Variants in ADAM10 observed in about 807,000 individuals in gnomAD.
ADAM10 encodes the protein disintegrin and metalloproteinase domain-containing protein 10.
A neutral mutation model predicts 90.1 loss-of-function variants in ADAM10; 17 were observed. That is an observed-to-expected ratio of 0.19 (90% CI 0.13 to 0.28). The LOEUF is 0.28. ADAM10 is among the 10% of genes least tolerant of loss of function. The pLI, the probability that ADAM10 is intolerant of heterozygous loss-of-function variation, is 1.00. For synonymous variants in ADAM10, 310 were observed against 298.6 expected (o/e 1.04, Z -0.40); for missense variants, 610 against 914.3 (o/e 0.67, Z 4.29).
Position 58,710,902 on chromosome 15 carries a change from A to C in ADAM10, c.206+6675T>G, listed in dbSNP as rs551503007. ...GCCCTAGATTTCTGCTACCTGACTCATGATATAACAGAGATTAAGTCACAG... is the reference window on the plus strand; with the variant it reads ...GCCCTAGATTTCTGCTACCTGACTCCTGATATAACAGAGATTAAGTCACAG... On this transcript the variant is annotated intron_variant, in intron 2 of 15. Coordinates refer to ENST00000260408, the MANE Select transcript of ADAM10 (RefSeq NM_001110.4). Among the ~76,000 whole-genome samples, 26 of 152,294 alleles carry C rather than the reference A, an allele frequency of 1.7e-4. No individual in the cohort carries two copies. The East Asian group carries it at 5.0e-3, about 29-fold the overall frequency.
intron 2 of ADAM10, among the ~76,000 whole-genome samples, chr15:58,712,083 C>T (rs1415412806): frequency 1.3e-5 from 2 of 152,184 alleles, no homozygotes; most frequent in East Asian, 1.9e-4. Flanking sequence ...ATATTAATAA[C>T]CTTTGTTAAA....
At chr15:58,676,143 A>G in intron 4 of ADAM10, 1 of 364,848 alleles carries the variant, frequency 2.7e-6, no homozygotes, top group Non-Finnish European at 5.4e-6. Flanking sequence ...AGAGGCTTAC[A>G]GATTTCAGAA....
Position 58,632,464 on chromosome 15 carries a change from T to A in ADAM10, c.1176+732A>T, listed in dbSNP as rs554376994. Among the ~76,000 whole-genome samples the A allele has an allele frequency of 5.9e-5, 9 of 152,354 alleles. No homozygotes were observed. In the South Asian group the frequency reaches 1.9e-3, roughly 32 times the overall value. On this transcript the variant is annotated intron_variant, in intron 9 of 15. Coordinates refer to ENST00000260408, the MANE Select transcript of ADAM10 (RefSeq NM_001110.4). Reference sequence around the variant, plus strand: ...CAAAGTAGCCAGCAGCCTGTTTTTATATGGCTTAACTAAGAATGGCTTTTC... The same window carrying A: ...CAAAGTAGCCAGCAGCCTGTTTTTAAATGGCTTAACTAAGAATGGCTTTTC...
At chr15:58,716,316 T>C (rs1389221932) in intron 2 of ADAM10, among the ~76,000 whole-genome samples, 1 of 152,116 alleles carries the variant, frequency 6.6e-6, no homozygotes, top group African/African-American at 2.4e-5. Context: ...AACACGGTTA[T>C]GGAAAAATTA....
chr15:58,696,147 C>T (rs985231375), intron 2 of ADAM10, among the ~76,000 whole-genome samples: 26 of 151,736 alleles, frequency 1.7e-4, no homozygotes, highest in African/African-American at 1.9e-4. Context: ...AAAAATTAGC[C>T]GGGCGGTAGT....
At chr15:58,702,479 G>C (rs1423578260) in intron 2 of ADAM10, among the ~76,000 whole-genome samples, 2 of 152,114 alleles carry the variant, frequency 1.3e-5, no homozygotes, top group Non-Finnish European at 2.9e-5. Flanking sequence ...CCAACACATA[G>C]AAATAACGAA....
chr15:58,717,801 G>GTT, intron 1 of ADAM10, 74 bp from the exon 2 acceptor site: 1 of 1,551,874 alleles, frequency 6.4e-7, no homozygotes, highest in Non-Finnish European at 8.7e-7. Flanking sequence ...GATTATTCAA[G>GTT]TATCTATGAA....
At chr15:58,735,311 G>C (rs1899394064) in intron 1 of ADAM10, among the ~76,000 whole-genome samples, 1 of 152,104 alleles carries the variant, frequency 6.6e-6, no homozygotes, top group Admixed American at 6.6e-5. Context: ...ATCACTATTA[G>C]ATATATTACC....
In ADAM10 at chr15:58,610,489, C is replaced by G; in HGVS notation, c.1833G>C (p.Gly611=). ...TGAAGTGCCTACTCCACTGCACAGA[C>G]CCTGTACTGGCACAAGTTGATGGGT... ...KMDPSTCAST[G]SVQWSRHFSG... is the part of the protein sequence containing the mutation. The change falls in exon 14 of 16, where the codon GGG becomes GGC. Residue 611 remains glycine, a synonymous_variant. Transcript: ENST00000260408. 2 of 1,614,128 alleles carry G rather than the reference C, an allele frequency of 1.2e-6. No individual in the cohort carries two copies. The highest frequency in any genetic ancestry group is 1.7e-6 in the Non-Finnish European group (2 of 1,180,014).
intron 2 of ADAM10, chr15:58,691,264 C>T (rs1404617423): frequency 8.9e-7 from 1 of 1,124,748 alleles, no homozygotes; most frequent in East Asian, 2.4e-5. Flanking sequence ...TCCTCATCCT[C>T]AGGTAGCTCC....
At chr15:58,646,282 A>G in intron 5 of ADAM10, 78 bp from the exon 6 acceptor site, 3 of 1,393,734 alleles carry the variant, frequency 2.2e-6, no homozygotes, top group South Asian at 1.2e-5. Context: ...TACATACTAT[A>G]AACAATTTCA....
intron 1 of ADAM10, among the ~76,000 whole-genome samples, chr15:58,719,067 T>G (rs576604492): frequency 1.3e-5 from 2 of 152,356 alleles, no homozygotes; most frequent in South Asian, 4.1e-4. Context: ...CTCACGCCTG[T>G]AATCCGAGCA....
chr15:58,682,085 C>G, intron 3 of ADAM10, 111 bp downstream of exon 3: 1 of 1,475,822 alleles, frequency 6.8e-7, no homozygotes, highest in Non-Finnish European at 9.2e-7. Context: ...TGAATTCAAC[C>G]TCCTCTGGAT....
At chr15:58,647,517 G>A (rs764077325) in intron 5 of ADAM10, among the ~76,000 whole-genome samples, 2 of 151,134 alleles carry the variant, frequency 1.3e-5, no homozygotes, top group Non-Finnish European at 2.9e-5. Context: ...GCCCGCCTCG[G>A]CCTCCCAAAG....
At chr15:58,691,576 T>C in intron 2 of ADAM10, 1 of 506,014 alleles carries the variant, frequency 2.0e-6, no homozygotes, top group Non-Finnish European at 3.9e-6. Context: ...TCCTCATGGA[T>C]TCCAAGCCAC....
At chr15:58,607,058 A>C (rs1895297760) in intron 14 of ADAM10, among the ~76,000 whole-genome samples, 1 of 152,258 alleles carries the variant, frequency 6.6e-6, no homozygotes, top group Non-Finnish European at 1.5e-5. Context: ...GATAATTTTT[A>C]AATTTTTTTC....
intron 2 of ADAM10, among the ~76,000 whole-genome samples, chr15:58,684,853 C>T (rs1271042746): frequency 1.3e-5 from 2 of 152,110 alleles, no homozygotes; most frequent in Admixed American, 1.3e-4. Context: ...GGCCCTTAAG[C>T]TGTGGGGTCT....
chr15:58,686,598 G>A, intron 2 of ADAM10: 1 of 1,048,896 alleles, frequency 9.5e-7, no homozygotes, highest in East Asian at 2.4e-5. Context: ...TGGGAACCCA[G>A]ATCCTGTGCT....
chr15:58,609,111 C>T (rs189753493), intron 14 of ADAM10: 10 of 152,244 alleles, frequency 6.6e-5, no homozygotes, highest in Admixed American at 4.6e-4. Context: ...TGAATCCTTA[C>T]GTGATTCTCA....
Sources: allele counts gnomAD v4.1 joint callset (sites outside exome capture counted in the v4.1 genomes callset), GRCh38; gene constraint gnomAD v4.1.1; transcripts MANE v1.5; gene names NCBI Gene and HGNC (gene_info 2026-07-23, HGNC 2026-07-21).